CGNL1: variants seen among roughly 807,000 people sequenced by gnomAD.
CGNL1 encodes cingulin like 1.
In CGNL1, 132 loss-of-function variants were observed where a neutral mutation model predicts 141.2. That is an observed-to-expected ratio of 0.93 (90% CI 0.81 to 1.08). The LOEUF (loss-of-function observed/expected upper bound fraction) is 1.08, where lower values mean the gene tolerates loss of function less well. CGNL1 is among the 50% of genes least tolerant of loss of function. The probability of loss-of-function intolerance (pLI) is 0.00; values close to 1 mark genes in which losing one functional copy is unlikely to be tolerated. For missense variants in CGNL1, 1,870 were observed against 1,588.6 expected (o/e 1.18, Z -3.01); for synonymous variants, 690 against 622.1 (o/e 1.11, Z -1.63).
rs538082597 is a variant in CGNL1 at position 57,434,201 on chromosome 15, T to A, written c.-15-3784T>A. 2.0e-5 allele frequency among the ~76,000 whole-genome samples: 3 copies of A among 152,192 alleles called. No individual in the cohort carries two copies. The East Asian group carries it at 5.8e-4, about 29-fold the overall frequency. ...GAGAGAAGTTATTTCATATCCAAAA[T>A]AATAATAACATTTATGAAAGAGGAG... On this transcript the variant is annotated intron_variant, in intron 1 of 18. Coordinates refer to ENST00000281282, the MANE Select transcript of CGNL1 (RefSeq NM_032866.5).
In CGNL1 at chr15:57,461,689, C is replaced by T. The variant is rs145813278; in HGVS notation, c.2200C>T (p.Gln734Ter). 1.3e-5 allele frequency: 21 copies of T among 1,613,860 alleles called. No individual in the cohort carries two copies. The highest frequency in any genetic ancestry group is 1.7e-5 in the Admixed American group (1 of 60,010). Residue 734 changes from glutamine to a stop codon, truncating the protein, a stop_gained, in exon 8 of 19, where the codon CAG becomes TAG. Transcript: ENST00000281282. LOFTEE classifies it high-confidence loss of function. ...TGTTTCCTCTCTCTAGGAGCTCTTA[C>T]AGGCAAAACAGGATCTTCAAGATCT... is the stretch of plus-strand genomic sequence containing the variant. ...EKGALIEELL[Q>*]AKQDLQDLLI...
intron 10 of CGNL1, among the ~76,000 whole-genome samples, chr15:57,521,317 A>G (rs897104145): frequency 1.3e-5 from 2 of 152,190 alleles, no homozygotes; most frequent in African/African-American, 4.8e-5. Flanking sequence ...GGAGCTTTCA[A>G]ATGCAAATGA....
In CGNL1 at chr15:57,439,508, G is replaced by A; in HGVS notation, c.1509G>A (p.Thr503=). 1 of 1,614,204 alleles carries A rather than the reference G, an allele frequency of 6.2e-7. No individual in the cohort carries two copies. Residue 503 remains threonine (T), a synonymous_variant, in exon 2 of 19, where the codon ACG becomes ACA. Transcript: ENST00000281282. ...AGGAGGTGAAAACAGCCACCGCTAC[G>A]CTGATGTTACAGAACCGGGCAACAG... ...KEEEVKTATA[T]LMLQNRATAT...
rs1179068647 is a variant in CGNL1, at chr15:57,378,364, T to G, written c.-16+1797T>G. Among the ~76,000 whole-genome samples the G allele has an allele frequency of 1.5e-3, 14 of 9,386 alleles. No homozygotes were observed. The East Asian group carries it at 0.062, about 41-fold the overall frequency. The allele number at this position is 9,386 out of a possible 152,430, so 6.2% of individuals were successfully genotyped here. A position where few individuals can be genotyped will look rare whatever the true frequency, so the allele number is the denominator to read the frequency against. ...TTCTTAGGGGGTGGCCCTCTATGTG[T>G]TTTTTTTTTTTTTTTTTTTTTTTTT... On this transcript the variant is annotated intron_variant, in intron 1 of 18. Transcript: ENST00000281282.
chr15:57,545,668 G>T lies in CGNL1; in HGVS notation c.3577G>T (p.Glu1193Ter). The T allele has an allele frequency of 1.2e-6, 2 of 1,613,458 alleles. No homozygotes were observed. Among genetic ancestry groups the T allele is most frequent in the Non-Finnish European group, 1.7e-6 (2 of 1,179,768 alleles). ...VKELVMQVDD[E>*]HLSLTDQKDQ... Reference sequence around the variant, plus strand: ...GGAGCTGGTGATGCAGGTGGATGATGAGCACCTGTCATTGACTGATCAGAA... The same window carrying T: ...GGAGCTGGTGATGCAGGTGGATGATTAGCACCTGTCATTGACTGATCAGAA... Residue 1193 changes from glutamate to a stop codon, truncating the protein, a stop_gained, in exon 17 of 19, where the codon GAG becomes TAG. Transcript: ENST00000281282. LOFTEE classifies it high-confidence loss of function.
chr15:57,542,188 G>T (rs771757450), intron 14 of CGNL1, among the ~76,000 whole-genome samples: 2 of 152,224 alleles, frequency 1.3e-5, no homozygotes, highest in African/African-American at 2.4e-5. Flanking sequence ...ACTCACTGGG[G>T]TGCTTGTACA....
chr15:57,377,629 C>T (rs78938229), intron 1 of CGNL1, among the ~76,000 whole-genome samples: 1,897 of 152,292 alleles, frequency 0.012, 17 homozygotes, highest in Middle Eastern at 0.02. Flanking sequence ...CAACTTTAGA[C>T]AGTAGATGGT....
intron 7 of CGNL1, among the ~76,000 whole-genome samples, chr15:57,455,633 C>A (rs1365172534): frequency 1.3e-5 from 2 of 152,126 alleles, no homozygotes; most frequent in African/African-American, 2.4e-5. Flanking sequence ...AGCAACAGAG[C>A]AAATGAATAA....
intron 1 of CGNL1, among the ~76,000 whole-genome samples, chr15:57,393,242 T>C (rs1299652685): frequency 1.3e-5 from 2 of 152,234 alleles, no homozygotes; most frequent in Admixed American, 6.5e-5. Flanking sequence ...GGTTTTAGCA[T>C]TGAGGCCTTC....
intron 10 of CGNL1, among the ~76,000 whole-genome samples, chr15:57,519,713 C>A (rs1162677355): frequency 1.3e-5 from 2 of 152,090 alleles, no homozygotes; most frequent in African/African-American, 4.8e-5. Flanking sequence ...GTTACTGTTA[C>A]CCAACCTGGC....
intron 8 of CGNL1, among the ~76,000 whole-genome samples, chr15:57,468,249 T>C (rs1462066374): frequency 3.6e-5 from 5 of 140,062 alleles, no homozygotes; most frequent in Admixed American, 7.1e-5. Flanking sequence ...TTTTTTTTTT[T>C]TTTTTTTTTG....
chr15:57,443,525 G>A (rs1349522247), intron 4 of CGNL1, among the ~76,000 whole-genome samples: 1 of 143,604 alleles, frequency 7.0e-6, no homozygotes, highest in Non-Finnish European at 1.5e-5. Context: ...CGTACATACA[G>A]GGGATAATTT....
At chr15:57,467,715 G>T (rs2063527397) in intron 8 of CGNL1, among the ~76,000 whole-genome samples, 1 of 124,568 alleles carries the variant, frequency 8.0e-6, no homozygotes, top group Non-Finnish European at 1.6e-5. Flanking sequence ...TTGAGATGGA[G>T]TCTGACTCTT....
chr15:57,461,003 G>C (rs10047972), intron 7 of CGNL1, among the ~76,000 whole-genome samples: 12,987 of 152,080 alleles, frequency 0.085, 882 homozygotes, highest in East Asian at 0.31. Context: ...GGCGAGTCCT[G>C]AGCTGGAAAA....
At chr15:57,409,536 A>T (rs2062762428) in intron 1 of CGNL1, among the ~76,000 whole-genome samples, 1 of 152,182 alleles carries the variant, frequency 6.6e-6, no homozygotes, top group Admixed American at 6.5e-5. Context: ...TATAGCTCTA[A>T]TTAGGGCCAT....
Position 57,438,464 on chromosome 15 carries a change from T to G in CGNL1, c.465T>G (p.Tyr155Ter). 1 of 1,614,182 alleles carries G rather than the reference T, an allele frequency of 6.2e-7. No homozygotes were observed. Among genetic ancestry groups the G allele is most frequent in the South Asian group, 1.1e-5 (1 of 91,082 alleles). Residue 155 changes from tyrosine (Y) to a stop codon, truncating the protein, a stop_gained, in exon 2 of 19, where the codon TAT (tyrosine) becomes TAG (stop). Coordinates refer to ENST00000281282, the MANE Select transcript of CGNL1 (RefSeq NM_032866.5). LOFTEE classifies it high-confidence loss of function. ...GGCATCCAGAGCTTTTGCAACCCTA[T>G]GACCCTGAAAAGAATGAGTTGAATT... Reference protein sequence around the residue: ...FQRHPELLQPYDPEKNELNLQ... With the variant: ...FQRHPELLQP
chr15:57,396,706 C>G (rs1307115267), intron 1 of CGNL1, among the ~76,000 whole-genome samples: 1 of 152,140 alleles, frequency 6.6e-6, no homozygotes, highest in Admixed American at 6.6e-5. Flanking sequence ...ACACTCCCAC[C>G]TAGCAGAGGG....
chr15:57,482,771 T>C (rs987579426), intron 8 of CGNL1, among the ~76,000 whole-genome samples: 6 of 151,536 alleles, frequency 4.0e-5, no homozygotes, highest in Non-Finnish European at 8.8e-5. Flanking sequence ...TTACTTTACC[T>C]TTTCTTTTCT....
intron 1 of CGNL1, among the ~76,000 whole-genome samples, chr15:57,386,913 T>A (rs1186355878): frequency 1.3e-5 from 2 of 152,076 alleles, no homozygotes; most frequent in African/African-American, 4.8e-5. Context: ...TTCTTGGTAT[T>A]TTTTTTGGTG....
Sources: gnomAD v4.1 joint callset for allele counts (sites outside exome capture counted in the v4.1 genomes callset) on GRCh38, gnomAD v4.1.1 for gene constraint, MANE v1.5 for transcripts, NCBI Gene and HGNC (gene_info 2026-07-23, HGNC 2026-07-21) for gene names.